FAM222A: variants seen among roughly 807,000 people sequenced by gnomAD.
FAM222A encodes the protein family with sequence similarity 222 member A.
FAM222A carries 7 observed loss-of-function variants against 25.8 expected under a neutral mutation model. That is an observed-to-expected ratio of 0.27 (90% CI 0.15 to 0.51). FAM222A has a LOEUF of 0.51. FAM222A is among the 20% of genes least tolerant of loss of function. The pLI is 0.97. For synonymous variants in FAM222A, 294 were observed against 298.8 expected, an observed-to-expected ratio of 0.98 and a Z score of 0.17; for missense variants, 573 against 640.5, an observed-to-expected ratio of 0.89 and a Z score of 1.14.
At chr12:109,733,294 A>G (rs1887991582) in intron 1 of FAM222A, among the ~76,000 whole-genome samples, 1 of 152,250 alleles carries the variant, frequency 6.6e-6, no homozygotes. Flanking sequence ...CTGATTACAC[A>G]TTGAAGTGAT....
At chr12:109,740,858 G>T (rs1888221641) in intron 1 of FAM222A, among the ~76,000 whole-genome samples, 1 of 152,236 alleles carries the variant, frequency 6.6e-6, no homozygotes, top group Non-Finnish European at 1.5e-5. Flanking sequence ...TTAGAGCAGA[G>T]ATGGTGGATA....
chr12:109,739,837 C>G (rs532478036), intron 1 of FAM222A, among the ~76,000 whole-genome samples: 44 of 152,344 alleles, frequency 2.9e-4, no homozygotes, highest in Admixed American at 9.1e-4. Context: ...ATGGCCTTCC[C>G]TCTTTGTGGC....
In FAM222A at chr12:109,768,559, C is replaced by G. The variant is rs1412136668; in HGVS notation, c.630C>G (p.Cys210Trp). 5.6e-6 allele frequency: 9 copies of G among 1,602,244 alleles called. No individual in the cohort carries two copies. Among genetic ancestry groups the G allele is most frequent in the Non-Finnish European group, 6.8e-6 (8 of 1,175,482 alleles). The change falls in exon 3 of 3, where the codon TGC becomes TGG. Residue 210 changes from cysteine to tryptophan, a missense_variant. Cys to Trp is a radical substitution (Grantham distance 215). Coordinates refer to ENST00000538780, the MANE Select transcript of FAM222A (RefSeq NM_032829.3). ...HSLLYQLNQQCQAPGAAPPAC... is the reference protein window; with the variant it reads ...HSLLYQLNQQWQAPGAAPPAC... The stretch of plus-strand genomic sequence containing the variant: ...TCCTGTACCAGCTCAACCAGCAGTG[C>G]CAGGCCCCGGGCGCCGCACCCCCTG...
chr12:109,732,623 G>T (rs1441926749), intron 1 of FAM222A, among the ~76,000 whole-genome samples: 3 of 152,234 alleles, frequency 2.0e-5, no homozygotes. Context: ...CCGTTTTTCT[G>T]CGCTGGGCTG....
At chr12:109,720,172 C>T (rs761125692) in intron 1 of FAM222A, 182 of 985,352 alleles carry the variant, frequency 1.8e-4, no homozygotes, top group Admixed American at 1.8e-3. Context: ...GCATCCCAGC[C>T]GCAGCAGCTG....
At chr12:109,718,585 G>C (rs879448977) in intron 1 of FAM222A, among the ~76,000 whole-genome samples, 1 of 152,210 alleles carries the variant, frequency 6.6e-6, no homozygotes, top group Non-Finnish European at 1.5e-5. Flanking sequence ...TCCCAGCAGC[G>C]GCCGGAGCCG....
intron 2 of FAM222A, among the ~76,000 whole-genome samples, chr12:109,762,781 G>T (rs1311682274): frequency 2.6e-5 from 4 of 152,224 alleles, no homozygotes; most frequent in African/African-American, 9.6e-5. Context: ...GCTCAGGAAA[G>T]TCCTTCAGGG....
intron 2 of FAM222A, among the ~76,000 whole-genome samples, chr12:109,756,040 T>A (rs1431183290): frequency 6.6e-6 from 1 of 152,246 alleles, no homozygotes; most frequent in Non-Finnish European, 1.5e-5. Context: ...GATTTATAGA[T>A]CAACTTAGGG....
At chr12:109,736,400 G>C (rs1312070599) in intron 1 of FAM222A, among the ~76,000 whole-genome samples, 1 of 152,188 alleles carries the variant, frequency 6.6e-6, no homozygotes, top group South Asian at 2.1e-4. Context: ...TTTTGCAGAC[G>C]CAGAAACTAA....
intron 1 of FAM222A, among the ~76,000 whole-genome samples, chr12:109,726,074 G>C (rs2136321454): frequency 6.7e-6 from 1 of 149,538 alleles, no homozygotes; most frequent in Non-Finnish European, 1.5e-5. Context: ...GTTCTCTGTA[G>C]GCTGTGTGAC....
chr12:109,733,565 G>A (rs902305584), intron 1 of FAM222A, among the ~76,000 whole-genome samples: 1 of 152,086 alleles, frequency 6.6e-6, no homozygotes, highest in Admixed American at 6.5e-5. Flanking sequence ...CACCACGCCT[G>A]GCTAATTTTT....
chr12:109,717,302 G>T (rs1351976215), intron 1 of FAM222A, among the ~76,000 whole-genome samples: 1 of 152,232 alleles, frequency 6.6e-6, no homozygotes, highest in Non-Finnish European at 1.5e-5. Context: ...GGGAAAGAAG[G>T]TGTAGCTTGA....
At chr12:109,735,016 T>G (rs1289248753) in intron 1 of FAM222A, 3 of 152,640 alleles carry the variant, frequency 2.0e-5, no homozygotes, top group African/African-American at 7.2e-5. Context: ...CCTGTCCTGT[T>G]TCCTAACCCC....
At chr12:109,721,859 TCTGCAGAACAC>T (rs1887753745) in intron 1 of FAM222A, among the ~76,000 whole-genome samples, 1 of 152,148 alleles carries the variant, frequency 6.6e-6, no homozygotes, top group South Asian at 2.1e-4. Flanking sequence ...CGTTCATCAT[TCTGCAGAACAC>T]CTGCAGCAAG....
intron 2 of FAM222A, among the ~76,000 whole-genome samples, chr12:109,750,743 C>T (rs977486745): frequency 4.0e-5 from 6 of 151,364 alleles, no homozygotes; most frequent in South Asian, 2.1e-4. Context: ...ACATTCAGAA[C>T]GGTCTCTCTA....
intron 1 of FAM222A, among the ~76,000 whole-genome samples, chr12:109,743,295 T>TG (rs1286162988): frequency 2.0e-5 from 3 of 152,208 alleles, no homozygotes; most frequent in Non-Finnish European, 4.4e-5. Flanking sequence ...AAACGTTCTC[T>TG]GCAGGAGAGT....
chr12:109,751,216 A>T (rs1192028523), intron 2 of FAM222A, among the ~76,000 whole-genome samples: 8 of 148,252 alleles, frequency 5.4e-5, no homozygotes, highest in African/African-American at 1.7e-4. Flanking sequence ...GGACAGTATG[A>T]TTTTTTTTTC....
intron 1 of FAM222A, among the ~76,000 whole-genome samples, chr12:109,740,171 C>G (rs1592786277): frequency 1.3e-5 from 2 of 152,210 alleles, no homozygotes; most frequent in African/African-American, 4.8e-5. Context: ...TGAAAAGTTC[C>G]TTCCTTCCTT....
chr12:109,719,685 GC>G (rs1435463198), intron 1 of FAM222A, among the ~76,000 whole-genome samples: 1 of 152,156 alleles, frequency 6.6e-6, no homozygotes, highest in Non-Finnish European at 1.5e-5. Flanking sequence ...GGTGTCTCTG[GC>G]AGAGGGAGTT....
Sources: allele counts gnomAD v4.1 joint callset (sites outside exome capture counted in the v4.1 genomes callset), GRCh38; gene constraint gnomAD v4.1.1; transcripts MANE v1.5; gene names NCBI Gene and HGNC (gene_info 2026-07-23, HGNC 2026-07-21).